The following MELK variants were observed in gnomAD, a reference collection of about 807,000 sequenced individuals.
MELK encodes maternal embryonic leucine zipper kinase.
In MELK, 81 loss-of-function variants were observed where a neutral mutation model predicts 85.0. The ratio of observed to expected loss-of-function variants is 0.95; its 90% CI spans 0.80 to 1.15. The LOEUF (loss-of-function observed/expected upper bound fraction) is 1.15. Among genes scored for constraint, MELK ranks in the 50% most tolerant of loss-of-function variants. The pLI is 0.00. For missense variants in MELK, 754 were observed against 777.5 expected, an observed-to-expected ratio of 0.97 and a Z score of 0.36; for synonymous variants, 252 against 265.0, an observed-to-expected ratio of 0.95 and a Z score of 0.48.
At chr9:36,648,043 A>T (rs1830382815) in intron 11 of MELK, among the ~76,000 whole-genome samples, 2 of 152,172 alleles carry the variant, frequency 1.3e-5, no homozygotes, top group South Asian at 4.1e-4. Flanking sequence ...ACTATTCCGT[A>T]CTGTTAAAAG....
intron 8 of MELK, among the ~76,000 whole-genome samples, chr9:36,614,444 A>G (rs866173739): frequency 5.5e-5 from 3 of 54,496 alleles, no homozygotes; most frequent in African/African-American, 8.5e-5. Flanking sequence ...TTTTTTTTTT[A>G]ATTTATTTTT....
intron 1 of MELK, among the ~76,000 whole-genome samples, chr9:36,574,564 C>T (rs1039078231): frequency 6.6e-6 from 1 of 151,818 alleles, no homozygotes; most frequent in African/African-American, 2.4e-5. Context: ...GATCTAGCTA[C>T]TGCACTCCAG....
chr9:36,609,341 CAAA>C (rs1169872600), intron 8 of MELK, among the ~76,000 whole-genome samples: 1 of 151,234 alleles, frequency 6.6e-6, no homozygotes, highest in Non-Finnish European at 1.5e-5. Flanking sequence ...AGCAAACTAA[CAAA>C]AGAAGACATG....
chr9:36,586,135 G>T (rs1457312698), intron 3 of MELK, among the ~76,000 whole-genome samples: 1 of 151,964 alleles, frequency 6.6e-6, no homozygotes, highest in Non-Finnish European at 1.5e-5. Flanking sequence ...GAGCTCAGGA[G>T]TTTGAGACCA....
At chr9:36,602,482 T>G (rs1387056826) in intron 7 of MELK, among the ~76,000 whole-genome samples, 1 of 115,102 alleles carries the variant, frequency 8.7e-6, no homozygotes. Context: ...AGAGCAAGAC[T>G]GTCTCAAAAA....
chr9:36,665,479 G>A lies in MELK; in HGVS notation c.1306G>A (p.Glu436Lys), dbSNP rs374730094. Residue 436 changes from glutamate to lysine, a missense_variant, in exon 14 of 18, where the codon GAA becomes AAA. Physicochemically the swap from Glu to Lys is moderately conservative, Grantham distance 56. Coordinates refer to ENST00000298048, the MANE Select transcript of MELK (RefSeq NM_014791.4). ...VYTPKSAVKN[E>K]EYFMFPEPKT... The stretch of plus-strand genomic sequence containing the variant: ...TACTCCTAAGTCTGCTGTAAAGAAT[G>A]AAGAGTACTTTATGTTTCCTGAGCC... 2.2e-5 allele frequency: 35 copies of A among 1,613,504 alleles called. No individual in the cohort carries two copies. Among genetic ancestry groups the A allele is most frequent in the Non-Finnish European group, 2.6e-5 (31 of 1,179,678 alleles).
chr9:36,636,991 C>G (rs1047368856), intron 10 of MELK, among the ~76,000 whole-genome samples: 1 of 151,906 alleles, frequency 6.6e-6, no homozygotes, highest in African/African-American at 2.4e-5. Context: ...CCTGCCACCA[C>G]CCGGCTAATT....
chr9:36,578,507 A>G (rs1821874040), intron 1 of MELK, among the ~76,000 whole-genome samples: 1 of 152,230 alleles, frequency 6.6e-6, no homozygotes, highest in African/African-American at 2.4e-5. Flanking sequence ...AAGAGAAACC[A>G]TACTCTTGAG....
rs149142473 is a variant in MELK, at chr9:36,582,270, C to T, written c.58+531C>T. On this transcript the variant is annotated intron_variant, in intron 2 of 17. Coordinates refer to ENST00000298048, the MANE Select transcript of MELK (RefSeq NM_014791.4). Reference sequence around the variant, plus strand: ...GGCATGAGCCACCGCGCCCAGGCTTCTTTTATTTCTTGACTTTTATTCTAA... The same window carrying T: ...GGCATGAGCCACCGCGCCCAGGCTTTTTTTATTTCTTGACTTTTATTCTAA... Among the ~76,000 whole-genome samples, 68 of 152,286 alleles carry T rather than the reference C, an allele frequency of 4.5e-4. No individual in the cohort carries two copies. In the East Asian group the frequency reaches 0.012, roughly 28 times the overall value.
intron 8 of MELK, among the ~76,000 whole-genome samples, chr9:36,616,743 C>T (rs1265579206): frequency 2.0e-5 from 3 of 151,434 alleles, no homozygotes; most frequent in Non-Finnish European, 4.4e-5. Context: ...CAGATTTTTA[C>T]GTATTTTTTT....
chr9:36,578,829 A>G (rs1222072622), intron 1 of MELK, among the ~76,000 whole-genome samples: 1 of 151,952 alleles, frequency 6.6e-6, no homozygotes, highest in Non-Finnish European at 1.5e-5. Flanking sequence ...AGTATTTAGT[A>G]TAGATAATAA....
rs559286698 is a variant in MELK, at chr9:36,676,350, T to G, written c.1779-810T>G. ...CCTTAAGTATTTAGGGAATTGAAACTTAAAATCAGTCCTATTTATTGAAGA... is the reference window on the plus strand; with the variant it reads ...CCTTAAGTATTTAGGGAATTGAAACGTAAAATCAGTCCTATTTATTGAAGA... On this transcript the variant is annotated intron_variant, in intron 17 of 17. Transcript: ENST00000298048. 2.6e-5 allele frequency among the ~76,000 whole-genome samples: 4 copies of G among 152,328 alleles called. No homozygotes were observed. The South Asian group carries it at 8.3e-4, about 32-fold the overall frequency.
intron 10 of MELK, among the ~76,000 whole-genome samples, chr9:36,642,309 G>C (rs1281577709): frequency 6.7e-6 from 1 of 149,836 alleles, no homozygotes; most frequent in African/African-American, 2.4e-5. Flanking sequence ...CCAGTCTGTT[G>C]TATAGCCACT....
intron 14 of MELK, 22 bp from the exon 15 acceptor site, chr9:36,669,288 G>T: frequency 1.3e-6 from 2 of 1,511,768 alleles, no homozygotes; most frequent in South Asian, 1.2e-5. Context: ...CATATGGATT[G>T]TGTTTGTTCT....
chr9:36,651,888 C>T lies in MELK; in HGVS notation c.1053+11C>T. The T allele has an allele frequency of 6.2e-7, 1 of 1,611,650 alleles. No individual in the cohort carries two copies. The highest frequency in any genetic ancestry group is 1.1e-5 in the South Asian group (1 of 90,610). On this transcript the variant is annotated intron_variant, in intron 12 of 17. Coordinates refer to ENST00000298048, the MANE Select transcript of MELK (RefSeq NM_014791.4). ...TTCACAGACATCAAGGTAAGTGTTA[C>T]TGCCTGTTGTGTCTTGCCACGTGCC...
rs559787400 is a variant in MELK at position 36,647,574 on chromosome 9, C to T, written c.922-4172C>T. ...CAGAATCTCTGCTCCCTGCAACCTC[C>T]GCCTCCCGAGTTCAAGCAATTCTCC... On this transcript the variant is annotated intron_variant, in intron 11 of 17. Coordinates refer to ENST00000298048, the MANE Select transcript of MELK (RefSeq NM_014791.4). Among the ~76,000 whole-genome samples, 10 of 151,968 alleles carry T rather than the reference C, an allele frequency of 6.6e-5. No individual in the cohort carries two copies. The South Asian group carries it at 1.7e-3, about 25-fold the overall frequency.
chr9:36,573,415 G>T (rs1433496612), intron 1 of MELK, among the ~76,000 whole-genome samples: 1 of 152,220 alleles, frequency 6.6e-6, no homozygotes, highest in African/African-American at 2.4e-5. Context: ...AAAAGGAGAT[G>T]TGTTATCACT....
chr9:36,630,165 T>A lies in MELK; in HGVS notation c.667-134T>A, dbSNP rs1828387134. On this transcript the variant is annotated intron_variant, in intron 8 of 17. Coordinates refer to ENST00000298048, the MANE Select transcript of MELK (RefSeq NM_014791.4). ...CAGCCAAGAAATTGATTTTTTTTAGTTAATAATGTTTACCAAGTATTGTAG... is the reference window on the plus strand; with the variant it reads ...CAGCCAAGAAATTGATTTTTTTTAGATAATAATGTTTACCAAGTATTGTAG... 4.2e-6 allele frequency: 3 copies of A among 713,296 alleles called. No homozygotes were observed. In the African/African-American group the frequency reaches 5.3e-5, roughly 13 times the overall value. 44.2% of individuals were successfully genotyped at this position (713,296 alleles called of 1,614,324 possible). A position where few individuals can be genotyped will look rare whatever the true frequency, so the allele number is the denominator to read the frequency against.
intron 13 of MELK, among the ~76,000 whole-genome samples, chr9:36,664,140 A>G (rs1375860673): frequency 6.6e-6 from 1 of 151,876 alleles, no homozygotes; most frequent in Non-Finnish European, 1.5e-5. Context: ...CATTTTTATC[A>G]TGTTTTTATT....
Sources: gnomAD v4.1 joint callset for allele counts (sites outside exome capture counted in the v4.1 genomes callset) on GRCh38, gnomAD v4.1.1 for gene constraint, MANE v1.5 for transcripts, NCBI Gene and HGNC (gene_info 2026-07-23, HGNC 2026-07-21) for gene names.